Variants in DOCK7 observed in about 807,000 individuals in gnomAD.
DOCK7 encodes the protein dedicator of cytokinesis 7.
A neutral mutation model predicts 271.0 loss-of-function variants in DOCK7; 138 were observed. The ratio of observed to expected loss-of-function variants is 0.51; its 90% CI spans 0.44 to 0.59. The LOEUF (loss-of-function observed/expected upper bound fraction) is 0.59. Among genes scored for constraint, DOCK7 ranks in the 20% least tolerant of loss-of-function variants. The pLI, the probability that DOCK7 is intolerant of heterozygous loss-of-function variation, is 0.00. For synonymous variants in DOCK7, 823 were observed against 876.1 expected (o/e 0.94, Z 1.07); for missense variants, 2,066 against 2,592.4 (o/e 0.80, Z 4.41).
intron 31 of DOCK7, among the ~76,000 whole-genome samples, chr1:62,521,270 AT>A (rs1392566862): frequency 1.3e-5 from 2 of 152,188 alleles, no homozygotes; most frequent in African/African-American, 4.8e-5. Context: ...AGGGAAAAAA[AT>A]GTTACATATA....
At chr1:62,644,641 C>G (rs1241879947) in intron 7 of DOCK7, among the ~76,000 whole-genome samples, 1 of 152,166 alleles carries the variant, frequency 6.6e-6, no homozygotes, top group Non-Finnish European at 1.5e-5. Flanking sequence ...GACAAATAGT[C>G]TTCTTAATAG....
At chr1:62,563,423 T>C (rs933156400) in intron 18 of DOCK7, among the ~76,000 whole-genome samples, 1 of 152,132 alleles carries the variant, frequency 6.6e-6, no homozygotes, top group Non-Finnish European at 1.5e-5. Context: ...ATGACATAGA[T>C]GCTAGATAGA....
At chr1:62,615,578 G>A (rs563585776) in intron 14 of DOCK7, among the ~76,000 whole-genome samples, 3 of 151,816 alleles carry the variant, frequency 2.0e-5, no homozygotes, top group African/African-American at 7.2e-5. Context: ...AAACATTAAA[G>A]CCTAAATCAG....
At chr1:62,502,261 C>T (rs1646805186) in intron 37 of DOCK7, among the ~76,000 whole-genome samples, 2 of 152,120 alleles carry the variant, frequency 1.3e-5, no homozygotes, top group Non-Finnish European at 2.9e-5. Flanking sequence ...CACGAATGCA[C>T]TGAGAACCAA....
chr1:62,583,650 C>T (rs963168293), intron 15 of DOCK7, among the ~76,000 whole-genome samples: 1 of 152,102 alleles, frequency 6.6e-6, no homozygotes, highest in African/African-American at 2.4e-5. Context: ...AACACTAAAA[C>T]AGCAGAGTCA....
At chr1:62,590,434 G>C (rs974474978) in intron 14 of DOCK7, among the ~76,000 whole-genome samples, 2 of 152,134 alleles carry the variant, frequency 1.3e-5, no homozygotes, top group African/African-American at 2.4e-5. Context: ...AGAATCCAAA[G>C]CACATGGTAA....
intron 4 of DOCK7, among the ~76,000 whole-genome samples, chr1:62,649,795 T>C (rs1383143422): frequency 6.6e-6 from 1 of 152,202 alleles, no homozygotes; most frequent in African/African-American, 2.4e-5. Context: ...CTTTACTCTT[T>C]GTTCCTTGAA....
chr1:62,519,819 A>G (rs1029537636), intron 31 of DOCK7, among the ~76,000 whole-genome samples: 2 of 152,184 alleles, frequency 1.3e-5, no homozygotes, highest in African/African-American at 4.8e-5. Flanking sequence ...AAAAAGAACA[A>G]AGCTGGAGGC....
intron 48 of DOCK7, among the ~76,000 whole-genome samples, chr1:62,471,241 T>C (rs1007205): frequency 0.58 from 88,199 of 151,746 alleles, 27,357 homozygotes; most frequent in East Asian, 0.76. Context: ...GTTTCTGGGG[T>C]GGGGAGGGTC....
chr1:62,631,904 GAAAGTAA>G (rs541899663), intron 10 of DOCK7, among the ~76,000 whole-genome samples: 46 of 152,266 alleles, frequency 3.0e-4, no homozygotes, highest in African/African-American at 1.1e-3. Flanking sequence ...ACAAAAGAAG[GAAAGTAA>G]AAAGTAAAAA....
At chr1:62,494,156 A>C (rs1198435756) in intron 40 of DOCK7, 119 bp downstream of exon 40, 4 of 809,384 alleles carry the variant, frequency 4.9e-6, no homozygotes, top group Non-Finnish European at 5.5e-6. Flanking sequence ...CACCTTGTGA[A>C]GCATTGGCTT....
intron 48 of DOCK7, among the ~76,000 whole-genome samples, chr1:62,470,905 T>TG (rs1280397557): frequency 6.6e-6 from 1 of 152,056 alleles, no homozygotes; most frequent in Admixed American, 6.6e-5. Flanking sequence ...TGAGTGTGCT[T>TG]GCCCCTTCTG....
intron 14 of DOCK7, among the ~76,000 whole-genome samples, chr1:62,606,511 T>G (rs143286587): frequency 7.2e-5 from 11 of 152,248 alleles, no homozygotes; most frequent in African/African-American, 2.6e-4. Context: ...ATTCCATCAC[T>G]ACTCACAGTT....
At position 62,654,030 on chromosome 1, in the gene DOCK7, T is replaced by C. The variant is rs893301224; in HGVS notation, c.274A>G (p.Ser92Gly). 2.5e-6 allele frequency: 4 copies of C among 1,613,818 alleles called. No individual in the cohort carries two copies. The highest frequency in any genetic ancestry group is 3.4e-6 in the Non-Finnish European group (4 of 1,179,906). ...FPPDDIEVVYSPRDCRTLVSA... is the reference protein window; with the variant it reads ...FPPDDIEVVYGPRDCRTLVSA... ...ACAAGAGTTCTGCAGTCCCGAGGAC[T>C]ATAAACAACTTCAATATCATCTGGA... Residue 92 changes from serine to glycine, a missense_variant, in exon 3 of 50, where the codon AGT becomes GGT. By Grantham distance (56) the Ser-to-Gly change is moderately conservative. Around this residue, in one of 2 missense-constraint regions of DOCK7, gnomAD observed 1,414 missense variants for 1,670.4 expected, o/e 0.85. Coordinates refer to ENST00000635253, the MANE Select transcript of DOCK7 (RefSeq NM_001367561.1).
At chr1:62,555,228 G>A (rs553505486) in intron 21 of DOCK7, 1 of 152,170 alleles carries the variant, frequency 6.6e-6, no homozygotes, top group African/African-American at 2.4e-5. Context: ...GAAGAGATCA[G>A]AACTTTCCTA....
Position 62,494,288 on chromosome 1 carries a change from C to G in DOCK7, c.5204G>C (p.Cys1735Ser). Residue 1735 changes from cysteine to serine, a missense_variant, in exon 40 of 50, where the codon TGT (cysteine) becomes TCT (serine). By Grantham distance (112) the Cys-to-Ser change is moderately radical. Around this residue, in one of 2 missense-constraint regions of DOCK7, gnomAD observed 652 missense variants for 922.1 expected, o/e 0.71. Coordinates refer to ENST00000635253, the MANE Select transcript of DOCK7 (RefSeq NM_001367561.1). ...LEDRKYLPVG[C>S]VTFQNISSNV... ...GAAGATTCCTACCTGAAATGTTACA[C>G]ATCCCACAGGAAGATATTTCCGGTC... 5 of 1,585,796 alleles carry G rather than the reference C, an allele frequency of 3.2e-6. No individual in the cohort carries two copies. The highest frequency in any genetic ancestry group is 4.3e-6 in the Non-Finnish European group (5 of 1,159,014).
intron 37 of DOCK7, among the ~76,000 whole-genome samples, chr1:62,498,066 G>A (rs1002687): frequency 0.58 from 87,571 of 151,454 alleles, 26,903 homozygotes; most frequent in East Asian, 0.76. Context: ...GTTTGAGACC[G>A]GCATGTCTAC....
At chr1:62,623,042 G>A (rs368283387) in intron 12 of DOCK7, among the ~76,000 whole-genome samples, 5 of 152,258 alleles carry the variant, frequency 3.3e-5, no homozygotes, top group African/African-American at 9.6e-5. Context: ...CTAAAGGGCT[G>A]GGATTACAGG....
intron 22 of DOCK7, among the ~76,000 whole-genome samples, chr1:62,545,851 T>G (rs940186430): frequency 2.0e-5 from 3 of 152,124 alleles, no homozygotes; most frequent in Admixed American, 6.6e-5. Flanking sequence ...TTCTTCTATT[T>G]CCTAAAACTG....
Sources: gnomAD v4.1 joint callset for allele counts (sites outside exome capture counted in the v4.1 genomes callset) on GRCh38, gnomAD v4.1.1 for gene constraint, gnomAD v4.1.1 regional missense constraint, MANE v1.5 for transcripts, NCBI Gene and HGNC (gene_info 2026-07-23, HGNC 2026-07-21) for gene names.